The following PLCB1 variants were observed in gnomAD, a reference collection of about 807,000 sequenced individuals.
PLCB1 encodes phospholipase C beta 1.
In PLCB1, 46 loss-of-function variants were observed where a neutral mutation model predicts 161.8. That is an observed-to-expected ratio of 0.28 (90% confidence interval 0.22 to 0.36). The LOEUF is 0.36. Among genes scored for constraint, PLCB1 ranks in the 10% least tolerant of loss-of-function variants. The pLI, the probability that PLCB1 is intolerant of heterozygous loss-of-function variation, is 1.00. For missense variants in PLCB1, 1,016 were observed against 1,472.5 expected (o/e 0.69, Z 5.07); for synonymous variants, 517 against 503.7 (o/e 1.03, Z -0.35).
chr20:8,405,379 C>T (rs189424145), intron 3 of PLCB1, among the ~76,000 whole-genome samples: 1 of 152,298 alleles, frequency 6.6e-6, no homozygotes, highest in East Asian at 1.9e-4. Context: ...CAGTAAGAGA[C>T]AGAGTGGAAA....
At chr20:8,730,912 G>T (rs959881051) in intron 18 of PLCB1, among the ~76,000 whole-genome samples, 2 of 151,476 alleles carry the variant, frequency 1.3e-5, no homozygotes, top group African/African-American at 4.8e-5. Flanking sequence ...TTTTACAAAT[G>T]ATCATCTTTC....
At chr20:8,178,492 G>A (rs1021947464) in intron 2 of PLCB1, among the ~76,000 whole-genome samples, 3 of 152,102 alleles carry the variant, frequency 2.0e-5, no homozygotes, top group African/African-American at 7.2e-5. Flanking sequence ...TAATGGGGTT[G>A]TTTGCTTTTT....
intron 3 of PLCB1, among the ~76,000 whole-genome samples, chr20:8,527,065 C>G (rs1984612934): frequency 6.6e-6 from 1 of 152,070 alleles, no homozygotes; most frequent in Admixed American, 6.6e-5. Context: ...TCAGACACAT[C>G]TGGGTGATGC....
At chr20:8,868,511 C>T (rs879527534) in intron 31 of PLCB1, among the ~76,000 whole-genome samples, 4 of 152,208 alleles carry the variant, frequency 2.6e-5, no homozygotes, top group Non-Finnish European at 5.9e-5. Context: ...GTTATATTCC[C>T]CTCAACACAC....
chr20:8,153,507 ACT>A, intron 2 of PLCB1, among the ~76,000 whole-genome samples: 2 of 152,276 alleles, frequency 1.3e-5, no homozygotes, highest in East Asian at 3.9e-4. Context: ...CCATGTGAAC[ACT>A]AGAAACCAAC....
intron 31 of PLCB1, among the ~76,000 whole-genome samples, chr20:8,794,988 C>T (rs542337023): frequency 2.0e-5 from 3 of 152,296 alleles, no homozygotes; most frequent in African/African-American, 7.2e-5. Flanking sequence ...ATGGGCATGT[C>T]ATCTAGAGTT....
chr20:8,752,389 C>A (rs969266097), intron 23 of PLCB1: 4 of 152,170 alleles, frequency 2.6e-5, no homozygotes, highest in African/African-American at 9.7e-5. Context: ...GTGCGTGTTG[C>A]CTACACTGAC....
rs546583181 is a variant in PLCB1 at position 8,135,229 on chromosome 20, A to AT, written c.99+2484dup. Among the ~76,000 whole-genome samples, 72 of 152,314 alleles carry AT rather than the reference A, an allele frequency of 4.7e-4. 1 individual carries two copies. Among genetic ancestry groups the AT allele is most frequent in the Non-Finnish European group, 8.8e-4 (60 of 68,014 alleles). Reference sequence around the variant, plus strand: ...TAGGCAAATCACTTAGCTTCTCTGTATTTTTGCTGCTTCTTGTGTAAAAGC... The same window carrying AT: ...TAGGCAAATCACTTAGCTTCTCTGTATTTTTTGCTGCTTCTTGTGTAAAAGC... On this transcript the variant is annotated intron_variant, in intron 1 of 31. Coordinates refer to ENST00000338037, the MANE Select transcript of PLCB1 (RefSeq NM_015192.4).
At chr20:8,881,529 C>A in intron 31 of PLCB1, 93 bp from the exon 32 acceptor site, 1 of 890,882 alleles carries the variant, frequency 1.1e-6, no homozygotes, top group Non-Finnish European at 1.8e-6. Flanking sequence ...TATTCATCAG[C>A]CCCTTTTGTA....
At chr20:8,586,675 T>G (rs1862526255) in intron 3 of PLCB1, among the ~76,000 whole-genome samples, 1 of 152,210 alleles carries the variant, frequency 6.6e-6, no homozygotes, top group African/African-American at 2.4e-5. Flanking sequence ...AATGTTAAAT[T>G]CGCAGATTAG....
chr20:8,824,091 A>G (rs747840223), intron 31 of PLCB1, among the ~76,000 whole-genome samples: 1 of 152,148 alleles, frequency 6.6e-6, no homozygotes, highest in Non-Finnish European at 1.5e-5. Context: ...TGTCCATGCT[A>G]CATGTAGGAT....
At chr20:8,862,191 C>A (rs1276819276) in intron 31 of PLCB1, among the ~76,000 whole-genome samples, 1 of 152,180 alleles carries the variant, frequency 6.6e-6, no homozygotes, top group African/African-American at 2.4e-5. Flanking sequence ...AATATACTCA[C>A]TATGTCATGC....
At chr20:8,142,573 C>T (rs1187810959) in intron 1 of PLCB1, among the ~76,000 whole-genome samples, 2 of 152,144 alleles carry the variant, frequency 1.3e-5, no homozygotes, top group African/African-American at 4.8e-5. Context: ...CTAAATTTTA[C>T]CATTAGTTCC....
chr20:8,442,778 T>C (rs539580912), intron 3 of PLCB1, among the ~76,000 whole-genome samples: 11 of 152,140 alleles, frequency 7.2e-5, no homozygotes, highest in African/African-American at 2.2e-4. Flanking sequence ...TGCCATGACA[T>C]TGAAACTAGT....
At chr20:8,429,402 T>A (rs1322517626) in intron 3 of PLCB1, among the ~76,000 whole-genome samples, 1 of 149,900 alleles carries the variant, frequency 6.7e-6, no homozygotes, top group Admixed American at 6.6e-5. Context: ...ACCATGGCAT[T>A]GTTGTCTATT....
chr20:8,749,465 C>T (rs2143264), intron 23 of PLCB1, among the ~76,000 whole-genome samples: 50,918 of 152,016 alleles, frequency 0.33, 8,668 homozygotes, highest in Middle Eastern at 0.48. Context: ...CCGTACCAAA[C>T]GATTTGACTT....
chr20:8,180,080 G>A (rs967053113), intron 2 of PLCB1, among the ~76,000 whole-genome samples: 11 of 151,664 alleles, frequency 7.3e-5, no homozygotes, highest in Non-Finnish European at 1.6e-4. Context: ...GGATGGTCTC[G>A]ATCTCCTGAC....
At chr20:8,555,872 G>T (rs1167899859) in intron 3 of PLCB1, among the ~76,000 whole-genome samples, 1 of 151,844 alleles carries the variant, frequency 6.6e-6, no homozygotes, top group African/African-American at 2.4e-5. Context: ...CAATAAAGAT[G>T]GAATCAATTT....
At chr20:8,608,730 A>C (rs1241332762) in intron 3 of PLCB1, among the ~76,000 whole-genome samples, 1 of 152,208 alleles carries the variant, frequency 6.6e-6, no homozygotes, top group Admixed American at 6.5e-5. Context: ...TAGCAACTCA[A>C]ACATTTTCTG....
Sources: gnomAD v4.1 joint callset for allele counts (sites outside exome capture counted in the v4.1 genomes callset) on GRCh38, gnomAD v4.1.1 for gene constraint, MANE v1.5 for transcripts, NCBI Gene and HGNC (gene_info 2026-07-23, HGNC 2026-07-21) for gene names.